The following KIF18B variants were observed in gnomAD, a reference collection of about 807,000 sequenced individuals.
The protein encoded by KIF18B is kinesin-like protein KIF18B.
A neutral mutation model predicts 80.9 loss-of-function variants in KIF18B; 49 were observed. The ratio of observed to expected loss-of-function variants is 0.61; its 90% CI spans 0.48 to 0.77. The LOEUF (loss-of-function observed/expected upper bound fraction) is 0.77. Ranked by LOEUF, KIF18B falls within the 30% of genes least tolerant of loss-of-function variation. The probability of loss-of-function intolerance (pLI) is 0.00; values close to 1 mark genes in which losing one functional copy is unlikely to be tolerated. For synonymous variants in KIF18B, 439 were observed against 463.9 expected (o/e 0.95, Z 0.69); for missense variants, 994 against 1,127.7 (o/e 0.88, Z 1.70).
intron 1 of KIF18B, among the ~76,000 whole-genome samples, chr17:44,945,499 C>T (rs1410202395): frequency 1.3e-5 from 2 of 152,182 alleles, no homozygotes; most frequent in African/African-American, 4.8e-5. Context: ...CTCTAAGTAT[C>T]GCTTTAACTG....
At position 44,926,319 on chromosome 17, in the gene KIF18B, T is replaced by C. The variant is rs1191614216; in HGVS notation, c.2452+95A>G. ...AGATGCTTGGCAATACCCTAGGCCC[T>C]CCTTTCTTCTGGGTCTCAGCTCCCC... On this transcript the variant is annotated intron_variant, in intron 15 of 15. Transcript: ENST00000593135. 8 of 1,556,808 alleles carry C rather than the reference T, an allele frequency of 5.1e-6. No homozygotes were observed. In the African/African-American group the frequency reaches 5.5e-5, roughly 11 times the overall value.
intron 1 of KIF18B, among the ~76,000 whole-genome samples, chr17:44,943,262 A>G (rs866264196): frequency 1.1e-3 from 167 of 151,802 alleles, no homozygotes; most frequent in African/African-American, 3.8e-3. Context: ...ACCACGCCCG[A>G]CTAATTTTTT....
chr17:44,929,747 G>A (rs1460673315), intron 11 of KIF18B, among the ~76,000 whole-genome samples: 1 of 152,144 alleles, frequency 6.6e-6, no homozygotes. Context: ...GTTCATTGTG[G>A]TTCTAAGAAG....
In KIF18B at chr17:44,926,990, T is replaced by A; in HGVS notation, c.2365A>T (p.Ser789Cys). ...CAGCTGACACCTCCCAAACCTCACC[T>A]CGCAACGCGCTTCTTCTTGCAGGCA... ...TSACKKKRVA[S>C]SSVSHGRSRI... The change falls in exon 14 of 16, where the codon AGT (serine) becomes TGT (cysteine). Residue 789 changes from serine (S) to cysteine (C), a missense_variant and splice_region_variant. Physicochemically the swap from Ser to Cys is moderately radical, Grantham distance 112 (BLOSUM62 -1). Transcript: ENST00000593135. 6.2e-7 allele frequency: 1 copy of A among 1,607,688 alleles called. No individual in the cohort carries two copies. The highest frequency in any genetic ancestry group is 1.1e-5 in the South Asian group (1 of 89,442).
rs59137224 is a variant in KIF18B, at chr17:44,936,555, ACTCTCTCTCTCT to A, written c.-14-209_-14-198del. Among the ~76,000 whole-genome samples the A allele has an allele frequency of 6.6e-3, 247 of 37,178 alleles. 5 individuals carry two copies. The highest frequency in any genetic ancestry group is 0.013 in the South Asian group (8 of 620). The allele number at this position is 37,178 out of a possible 152,430, so 24.4% of individuals were successfully genotyped here. ...ATACCATCTTTGTCATACTCAAATG[ACTCTCTCTCTCT>A]CTCTCTCTCTCTCTCTCTCTCTCTC... On this transcript the variant is annotated intron_variant, in intron 1 of 15. Coordinates refer to ENST00000593135, the MANE Select transcript of KIF18B (RefSeq NM_001265577.2).
Position 44,943,313 on chromosome 17 carries a change from G to C in KIF18B, c.-15+4315C>G, listed in dbSNP as rs1329459464. Among the ~76,000 whole-genome samples, 13 of 152,092 alleles carry C rather than the reference G, an allele frequency of 8.5e-5. No individual in the cohort carries two copies. The South Asian group carries it at 2.7e-3, about 32-fold the overall frequency. On this transcript the variant is annotated intron_variant, in intron 1 of 15. Coordinates refer to ENST00000593135, the MANE Select transcript of KIF18B (RefSeq NM_001265577.2). ...GGCGGGGTTTCACCGTGTTAGCCAG[G>C]ATGGTCTCGATCTCCTGACTTTGTG...
chr17:44,932,680 G>T lies in KIF18B; in HGVS notation c.1231C>A (p.Pro411Thr), dbSNP rs762613653. Residue 411 changes from proline (P) to threonine (T), a missense_variant, in exon 9 of 16, where the codon CCA (proline) becomes ACA (threonine). By Grantham distance (38) the Pro-to-Thr change is conservative. Coordinates refer to ENST00000593135, the MANE Select transcript of KIF18B (RefSeq NM_001265577.2). ...ATGGGCAGTGGAACTCACTGTTCTG[G>T]TGGTGGTCCCGACTTGGGAGATCCT... ...LPGSPKSGPPPEHQPCTPELP... is the reference protein window; with the variant it reads ...LPGSPKSGPPTEHQPCTPELP... 6.2e-7 allele frequency: 1 copy of T among 1,606,964 alleles called. No individual in the cohort carries two copies. The highest frequency in any genetic ancestry group is 2.0e-4 in the Middle Eastern group (1 of 4,888).
Position 44,934,526 on chromosome 17 carries a change from C to T in KIF18B, c.668G>A (p.Arg223His), listed in dbSNP as rs372531224. ...CCTCACCTGGAAGATGGCATGGGAG[C>T]GGGAGGAAGTCGCGTTGGCATCAGT... is the stretch of plus-strand genomic sequence containing the variant. Reference protein sequence around the residue: ...HPTDANATSSRSHAIFQIFVK... With the variant: ...HPTDANATSSHSHAIFQIFVK... Residue 223 changes from arginine to histidine, a missense_variant, in exon 5 of 16, where the codon CGC becomes CAC. By Grantham distance (29) the Arg-to-His change is conservative (BLOSUM62 0). Transcript: ENST00000593135. This position sits in a 1 kb window ranked among gnomAD's most constrained non-coding sequence, Gnocchi z 5.4. 3.1e-6 allele frequency: 5 copies of T among 1,611,990 alleles called. No homozygotes were observed. Among genetic ancestry groups the T allele is most frequent in the East Asian group, 2.2e-5 (1 of 44,872 alleles).
chr17:44,933,872 C>T, intron 7 of KIF18B, 51 bp downstream of exon 7: 1 of 1,501,114 alleles, frequency 6.7e-7, no homozygotes, highest in South Asian at 1.2e-5. Context: ...CCCTTTCCTG[C>T]TCCCCGGCTG....
chr17:44,947,616 G>A lies in KIF18B; in HGVS notation c.-15+12C>T, dbSNP rs955591045. 1 of 152,674 alleles carries A rather than the reference G, an allele frequency of 6.5e-6. No homozygotes were observed. Among genetic ancestry groups the A allele is most frequent in the Non-Finnish European group, 1.5e-5 (1 of 68,326 alleles). 9.5% of individuals were successfully genotyped at this position (152,674 alleles called of 1,614,324 possible). A position where few individuals can be genotyped will look rare whatever the true frequency, so the allele number is the denominator to read the frequency against. On this transcript the variant is annotated intron_variant, in intron 1 of 15. Transcript: ENST00000593135. ...GTTCGCGCGGTCGGTTCCGCCGTGG[G>A]CCAGGACTTACCTTTCGTCGGTTCT...
rs187067717 is a variant in KIF18B, at chr17:44,934,689, G to A, written c.577-72C>T. 520 of 1,362,950 alleles carry A rather than the reference G, an allele frequency of 3.8e-4. No homozygotes were observed. Among genetic ancestry groups the A allele is most frequent in the Admixed American group, 1.7e-3 (73 of 43,342 alleles). 84.4% of individuals were successfully genotyped at this position (1,362,950 alleles called of 1,614,324 possible). On this transcript the variant is annotated intron_variant, in intron 4 of 15. Transcript: ENST00000593135. The surrounding 1 kb of genome is among the most constrained non-coding windows in gnomAD (Gnocchi z 5.4). ...GACTTTTCCCCTAACAGGAAGGGCT[G>A]CTCTTCAGAATCTACATCACCCCCT...
rs2051993542 is a variant in KIF18B at position 44,924,890 on chromosome 17, AAT to A, written c.*1188_*1189del. 1 of 152,162 alleles carries A rather than the reference AAT, an allele frequency of 6.6e-6. No homozygotes were observed. The highest frequency in any genetic ancestry group is 6.5e-5 in the Admixed American group (1 of 15,280). The allele number at this position is 152,162 out of a possible 1,614,324, so 9.4% of individuals were successfully genotyped here. On this transcript the variant is annotated 3_prime_UTR_variant, in exon 16 of 16. Transcript: ENST00000593135. ...TACACTGAACGTGTATCCTATGTAC[AAT>A]AGAGTTAAGCAATAAAGCTGTCTTC...
chr17:44,941,940 T>C (rs1243031219), intron 1 of KIF18B, among the ~76,000 whole-genome samples: 1 of 152,156 alleles, frequency 6.6e-6, no homozygotes, highest in African/African-American at 2.4e-5. Context: ...ATGTTTTCCT[T>C]CTTGCTGAGA....
chr17:44,927,957 A>G lies in KIF18B; in HGVS notation c.2276+69T>C. ...AAGGCTGTCCTCCATACTTCTCAGC[A>G]GCACCAAGAAGTCCCTTGCTGACCA... On this transcript the variant is annotated intron_variant, in intron 13 of 15. Coordinates refer to ENST00000593135, the MANE Select transcript of KIF18B (RefSeq NM_001265577.2). This position sits in a 1 kb window ranked among gnomAD's most constrained non-coding sequence, Gnocchi z 4.1. The G allele has an allele frequency of 7.6e-7, 1 of 1,309,288 alleles. No individual in the cohort carries two copies. The highest frequency in any genetic ancestry group is 2.4e-5 in the East Asian group (1 of 40,958). The allele number at this position is 1,309,288 out of a possible 1,614,324, so 81.1% of individuals were successfully genotyped here. A position where few individuals can be genotyped will look rare whatever the true frequency, so the allele number is the denominator to read the frequency against.
intron 11 of KIF18B, among the ~76,000 whole-genome samples, chr17:44,929,955 G>T (rs2052112675): frequency 6.6e-6 from 1 of 152,140 alleles, no homozygotes; most frequent in South Asian, 2.1e-4. Context: ...TATGATAAAA[G>T]AATAAACACA....
At chr17:44,929,054 C>A in intron 11 of KIF18B, 30 bp from the exon 12 acceptor site, 1 of 1,599,264 alleles carries the variant, frequency 6.3e-7, no homozygotes, top group Non-Finnish European at 8.6e-7. Context: ...ATTCCCAGCC[C>A]TGCTCAGACT....
At chr17:44,942,986 A>G (rs748650742) in intron 1 of KIF18B, among the ~76,000 whole-genome samples, 5 of 152,178 alleles carry the variant, frequency 3.3e-5, no homozygotes, top group Non-Finnish European at 5.9e-5. Context: ...CTGCCCTGCA[A>G]TTGGGCTTGG....
intron 7 of KIF18B, among the ~76,000 whole-genome samples, chr17:44,933,279 T>C (rs537161579): frequency 6.6e-6 from 1 of 152,136 alleles, no homozygotes; most frequent in African/African-American, 2.4e-5. Flanking sequence ...CAAGCAGATG[T>C]GGCAGAAAGC....
chr17:44,926,004 G>C lies in KIF18B; in HGVS notation c.*76C>G, dbSNP rs2052016693. ...GCAGGTCCAGCTCCTGGTGCAGGTG[G>C]CTACAGGTCCAAGAGGGGTATCCAG... On this transcript the variant is annotated 3_prime_UTR_variant, in exon 16 of 16. Transcript: ENST00000593135. The C allele has an allele frequency of 2.0e-5, 31 of 1,512,424 alleles. No homozygotes were observed. The highest frequency in any genetic ancestry group is 2.7e-5 in the Non-Finnish European group (30 of 1,092,118). 93.7% of individuals were successfully genotyped at this position (1,512,424 alleles called of 1,614,324 possible).
Sources: gnomAD v4.1 joint callset for allele counts (sites outside exome capture counted in the v4.1 genomes callset) on GRCh38, gnomAD v4.1.1 for gene constraint, Gnocchi (gnomAD v3.1) non-coding constraint, MANE v1.5 for transcripts, NCBI Gene and HGNC (gene_info 2026-07-23, HGNC 2026-07-21) for gene names.